Variants in LRP1B observed in about 807,000 individuals in gnomAD.
LRP1B encodes the protein low-density lipoprotein receptor-related protein 1B.
A neutral mutation model predicts 556.6 loss-of-function variants in LRP1B; 217 were observed. That is an observed-to-expected ratio of 0.39 (90% confidence interval 0.35 to 0.44). The LOEUF is 0.44. LRP1B is among the 20% of genes least tolerant of loss of function. The probability of loss-of-function intolerance (pLI) is 1.00; values close to 1 mark genes in which losing one functional copy is unlikely to be tolerated. For synonymous variants in LRP1B, 2,047 were observed against 1,865.8 expected, an observed-to-expected ratio of 1.10 and a Z score of -2.50; for missense variants, 5,053 against 5,620.8, an observed-to-expected ratio of 0.90 and a Z score of 3.23.
chr2:141,305,992 A>G (rs780854167), intron 3 of LRP1B, among the ~76,000 whole-genome samples: 24 of 152,164 alleles, frequency 1.6e-4, no homozygotes, highest in Non-Finnish European at 3.2e-4. Flanking sequence ...GTGATTTGCT[A>G]GTATTTAGTA....
intron 1 of LRP1B, among the ~76,000 whole-genome samples, chr2:141,999,038 A>T (rs777947688): frequency 1.7e-4 from 26 of 152,202 alleles, no homozygotes; most frequent in Admixed American, 9.8e-4. Context: ...TGTCAAAGAA[A>T]TATATTTTGG....
chr2:141,687,533 C>A (rs1691356922), intron 2 of LRP1B, among the ~76,000 whole-genome samples: 1 of 151,888 alleles, frequency 6.6e-6, no homozygotes, highest in Non-Finnish European at 1.5e-5. Context: ...ATTGATATTT[C>A]ATAGCTGTTG....
chr2:140,765,283 A>C (rs10203728), intron 35 of LRP1B, among the ~76,000 whole-genome samples: 133,098 of 152,128 alleles, frequency 0.87, 58,604 homozygotes, highest in East Asian at 1. Flanking sequence ...GTGAAGTTTT[A>C]CAGATGAATA....
intron 17 of LRP1B, among the ~76,000 whole-genome samples, chr2:140,989,119 TCA>T (rs1244275564): frequency 3.3e-5 from 5 of 152,112 alleles, no homozygotes; most frequent in Non-Finnish European, 7.4e-5. Flanking sequence ...AGAAAACTAT[TCA>T]CAGAGGTATT....
intron 3 of LRP1B, among the ~76,000 whole-genome samples, chr2:141,294,264 T>C (rs1032273580): frequency 2.0e-5 from 3 of 152,308 alleles, no homozygotes; most frequent in African/African-American, 2.4e-5. Flanking sequence ...AGAATCCTGA[T>C]GGCACCATTT....
At chr2:140,549,862 T>G (rs1437025656) in intron 43 of LRP1B, among the ~76,000 whole-genome samples, 2 of 148,816 alleles carry the variant, frequency 1.3e-5, no homozygotes, top group Admixed American at 6.7e-5. Context: ...GTTGTTGTTG[T>G]TTTTTTTTTC....
chr2:141,313,720 T>C (rs1283194925), intron 3 of LRP1B, among the ~76,000 whole-genome samples: 1 of 152,210 alleles, frequency 6.6e-6, no homozygotes. Context: ...AAGTGGGTGA[T>C]TATTTTGGAA....
intron 77 of LRP1B, among the ~76,000 whole-genome samples, chr2:140,344,479 C>T (rs1266444686): frequency 6.6e-6 from 1 of 151,324 alleles, no homozygotes; most frequent in Non-Finnish European, 1.5e-5. Flanking sequence ...TATAAAGTAG[C>T]CAACTCTTGG....
intron 86 of LRP1B, among the ~76,000 whole-genome samples, chr2:140,256,153 T>G (rs1041387427): frequency 1.3e-5 from 2 of 152,110 alleles, no homozygotes; most frequent in African/African-American, 2.4e-5. Context: ...TATTTTAAAT[T>G]TAAGTGCTAG....
intron 85 of LRP1B, among the ~76,000 whole-genome samples, chr2:140,270,704 C>T (rs183513567): frequency 3.2e-4 from 49 of 152,016 alleles, no homozygotes; most frequent in Admixed American, 1.3e-4. Flanking sequence ...GGTTTGGTGA[C>T]ATCTGTGTGA....
chr2:142,100,683 G>C (rs920907220), intron 1 of LRP1B, among the ~76,000 whole-genome samples: 1 of 151,932 alleles, frequency 6.6e-6, no homozygotes, highest in Non-Finnish European at 1.5e-5. Context: ...AAAGAAAACT[G>C]CATACCTCTG....
At chr2:141,807,345 T>C (rs1222553299) in intron 2 of LRP1B, among the ~76,000 whole-genome samples, 2 of 152,084 alleles carry the variant, frequency 1.3e-5, no homozygotes, top group African/African-American at 4.8e-5. Context: ...CAATTAAATA[T>C]AAATCTAAAT....
intron 27 of LRP1B, among the ~76,000 whole-genome samples, chr2:140,864,743 T>C (rs919621340): frequency 6.6e-6 from 1 of 152,072 alleles, no homozygotes; most frequent in African/African-American, 2.4e-5. Context: ...TCGTGAATTA[T>C]ATATTTTTAA....
intron 7 of LRP1B, among the ~76,000 whole-genome samples, chr2:141,091,703 G>A (rs1700176000): frequency 6.6e-6 from 1 of 152,170 alleles, no homozygotes; most frequent in African/African-American, 2.4e-5. Context: ...CTGGAATAAG[G>A]AAGTTGGAAA....
At chr2:141,195,163 C>T (rs997009844) in intron 6 of LRP1B, among the ~76,000 whole-genome samples, 3 of 152,032 alleles carry the variant, frequency 2.0e-5, no homozygotes, top group Non-Finnish European at 2.9e-5. Flanking sequence ...AACTTCCATT[C>T]GGTTCTCTCT....
intron 1 of LRP1B, among the ~76,000 whole-genome samples, chr2:142,002,078 A>C (rs1702672409): frequency 6.6e-6 from 1 of 152,184 alleles, no homozygotes; most frequent in Non-Finnish European, 1.5e-5. Flanking sequence ...AGTTTTGCTT[A>C]ATTTCTACGT....
At chr2:140,632,161 GGA>G (rs1683910107) in intron 41 of LRP1B, among the ~76,000 whole-genome samples, 1 of 152,064 alleles carries the variant, frequency 6.6e-6, no homozygotes, top group Admixed American at 6.5e-5. Context: ...AGTCCTTCAG[GGA>G]GAAGGAAAAT....
At chr2:140,255,745 A>G (rs1249599555) in intron 86 of LRP1B, among the ~76,000 whole-genome samples, 1 of 152,182 alleles carries the variant, frequency 6.6e-6, no homozygotes, top group Non-Finnish European at 1.5e-5. Flanking sequence ...ATATGTGTGC[A>G]TTCCCTATTC....
At chr2:141,861,669 C>T (rs892008500) in intron 1 of LRP1B, among the ~76,000 whole-genome samples, 4 of 152,170 alleles carry the variant, frequency 2.6e-5, no homozygotes, top group African/African-American at 9.7e-5. Flanking sequence ...GTGGCTCACA[C>T]CTGTAAATCC....
Sources: allele counts gnomAD v4.1 joint callset (sites outside exome capture counted in the v4.1 genomes callset), GRCh38; gene constraint gnomAD v4.1.1; transcripts MANE v1.5; gene names NCBI Gene and HGNC (gene_info 2026-07-23, HGNC 2026-07-21).